Variants in TTN observed in about 807,000 individuals in gnomAD.
TTN encodes the protein titin.
In TTN, 1,525 loss-of-function variants were observed where a neutral mutation model predicts 3,223.0. That is an observed-to-expected ratio of 0.47 (90% CI 0.45 to 0.49). The LOEUF (loss-of-function observed/expected upper bound fraction) is 0.49, where lower values mean the gene tolerates loss of function less well. TTN is among the 20% of genes least tolerant of loss of function. TTN has a pLI of 0.00. For synonymous variants in TTN, 14,094 were observed against 15,161.0 expected (o/e 0.93, Z 5.17); for missense variants, 40,786 against 43,424.0 (o/e 0.94, Z 5.40).
intron 333 of TTN, 51 bp downstream of exon 333, chr2:178,553,863 C>T: frequency 6.4e-7 from 1 of 1,561,090 alleles, no homozygotes; most frequent in Non-Finnish European, 8.7e-7. Context: ...TTTAGTCACA[C>T]AGGTGAATAT....
Position 178,734,327 on chromosome 2 carries a change from C to A in TTN, c.15496+1G>T, listed in dbSNP as rs397517481. 6.3e-7 allele frequency: 1 copy of A among 1,586,134 alleles called. No homozygotes were observed. Among genetic ancestry groups the A allele is most frequent in the Non-Finnish European group, 8.6e-7 (1 of 1,165,228 alleles). Reference sequence around the variant, plus strand: ...GAGACATTAGTTTTTCAAGCACTAACCTTTGAGTAAGTGGGTTGCCATGCA... The same window carrying A: ...GAGACATTAGTTTTTCAAGCACTAAACTTTGAGTAAGTGGGTTGCCATGCA... On this transcript the variant is annotated splice_donor_variant, in intron 52 of 362. Transcript: ENST00000589042. LOFTEE classifies it high-confidence loss of function.
chr2:178,782,919 C>T lies in TTN; in HGVS notation c.2987G>A (p.Gly996Glu). ...TTCGCGAATCATAAGACGAGCAATT[C>T]CACTCTGGAAGGTTATCTGGAAGTC... Reference protein sequence around the residue: ...SIDFQITFQSGIARLMIREAF... With the variant: ...SIDFQITFQSEIARLMIREAF... The change falls in exon 18 of 363, where the codon GGA becomes GAA. Residue 996 changes from glycine (G) to glutamate (E), a missense_variant. Coordinates refer to ENST00000589042, the MANE Select transcript of TTN (RefSeq NM_001267550.2). 4 of 1,614,086 alleles carry T rather than the reference C, an allele frequency of 2.5e-6. No individual in the cohort carries two copies. Among genetic ancestry groups the T allele is most frequent in the Non-Finnish European group, 3.4e-6 (4 of 1,180,004 alleles).
chr2:178,745,873 C>A (rs1394391388), intron 47 of TTN: 1 of 1,612,498 alleles, frequency 6.2e-7, no homozygotes, highest in South Asian at 1.1e-5. Flanking sequence ...GCCCTTCCAC[C>A]ACCTGAAATT....
rs1575283255 is a variant in TTN, at chr2:178,534,672, G to C, written c.101943C>G (p.Tyr33981Ter). The change falls in exon 358 of 363, where the codon TAC (tyrosine) becomes TAG (stop). Residue 33981 changes from tyrosine (Y) to a stop codon, truncating the protein, a stop_gained. Coordinates refer to ENST00000589042, the MANE Select transcript of TTN (RefSeq NM_001267550.2). LOFTEE classifies it high-confidence loss of function. ...NFRLLFTAPE[Y>*]YAPEVHQHDV... ...CATGCTGGTGGACTTCAGGTGCATA[G>C]TATTCTGGGGCAGTGAATAGAAGCC... is the stretch of plus-strand genomic sequence containing the variant. 3 of 1,613,800 alleles carry C rather than the reference G, an allele frequency of 1.9e-6. No individual in the cohort carries two copies.
intron 7 of TTN, 44 bp from the exon 8 acceptor site, chr2:178,794,595 G>T: frequency 6.2e-7 from 1 of 1,611,992 alleles, no homozygotes; most frequent in South Asian, 1.1e-5. Context: ...TAAATGACAT[G>T]CCCAGTAGAA....
intron 126 of TTN, 114 bp downstream of exon 126, chr2:178,688,563 A>T (rs910252915): frequency 9.1e-6 from 7 of 766,882 alleles, no homozygotes; most frequent in African/African-American, 6.9e-5. Context: ...TACCAACATA[A>T]GGAGAAATAA....
intron 47 of TTN, chr2:178,751,726 T>G (rs1429223471): frequency 6.2e-7 from 1 of 1,613,286 alleles, no homozygotes. Flanking sequence ...AGTGATGGTG[T>G]AAATCACTCT....
rs1575186516 is a variant in TTN, at chr2:178,528,380, G to A, written c.107271C>T (p.Tyr35757=). The change falls in exon 361 of 363, where the codon TAC becomes TAT. Residue 35757 remains tyrosine (Y), a synonymous_variant. Transcript: ENST00000589042. ...CTGATGCATTTCGGATTTCAAGGGA[G>A]TATACATTTCTGGAGCGGCTTATGC... The part of the protein sequence containing the change: ...NVSISRSRNV[Y]SLEIRNASVS... 1 of 1,613,956 alleles carries A rather than the reference G, an allele frequency of 6.2e-7. No homozygotes were observed. Among genetic ancestry groups the A allele is most frequent in the Non-Finnish European group, 8.5e-7 (1 of 1,179,852 alleles).
At chr2:178,680,425 A>C in intron 138 of TTN, 94 bp from the exon 139 acceptor site, 1 of 1,011,938 alleles carries the variant, frequency 9.9e-7, no homozygotes, top group Non-Finnish European at 1.5e-6. Context: ...AGAATAATGT[A>C]TCTTCCTTTA....
In TTN at chr2:178,730,330, T is replaced by C; in HGVS notation, c.18070A>G (p.Asn6024Asp). ...TTTAACTGTACCCTTGTGTTGGGAT[T>C]GACATCTTGTGACTGTGGCTTTTCC... ...FVEKPQSQDV[N>D]PNTRVQLKAL... The change falls in exon 62 of 363, where the codon AAT becomes GAT. Residue 6024 changes from asparagine to aspartate, a missense_variant. By Grantham distance (23) the Asn-to-Asp change is conservative. Coordinates refer to ENST00000589042, the MANE Select transcript of TTN (RefSeq NM_001267550.2). 6.2e-7 allele frequency: 1 copy of C among 1,608,574 alleles called. No homozygotes were observed. The highest frequency in any genetic ancestry group is 8.5e-7 in the Non-Finnish European group (1 of 1,176,882).
intron 233 of TTN, 65 bp downstream of exon 233, chr2:178,633,122 T>G: frequency 6.3e-7 from 1 of 1,599,458 alleles, no homozygotes; most frequent in Non-Finnish European, 8.5e-7. Flanking sequence ...AGATATTTTA[T>G]GCCTTTTTTC....
intron 100 of TTN, 59 bp from the exon 101 acceptor site, chr2:178,707,013 C>T: frequency 2.1e-6 from 3 of 1,440,758 alleles, no homozygotes; most frequent in Admixed American, 2.2e-5. Flanking sequence ...AATACATATC[C>T]CCCTTTGTAA....
intron 239 of TTN, among the ~76,000 whole-genome samples, 165 bp from the exon 240 acceptor site, chr2:178,629,608 G>A (rs1288838876): frequency 6.6e-6 from 1 of 152,158 alleles, no homozygotes; most frequent in South Asian, 2.1e-4. Context: ...CTGAGAAGGG[G>A]AGAGCTGGTA....
intron 146 of TTN, 74 bp from the exon 147 acceptor site, chr2:178,677,361 T>TATATATATATATATATATATATA (rs1560296885): frequency 1.4e-5 from 7 of 515,020 alleles, no homozygotes; most frequent in African/African-American, 6.9e-5. Flanking sequence ...TATATATATA[T>TATATATATATATATATATATATA]GAAAGAGACA....
chr2:178,575,742 C>G lies in TTN; in HGVS notation c.70390G>C (p.Gly23464Arg). The G allele has an allele frequency of 6.2e-7, 1 of 1,613,524 alleles. No homozygotes were observed. Among genetic ancestry groups the G allele is most frequent in the Non-Finnish European group, 8.5e-7 (1 of 1,179,640 alleles). Reference protein sequence around the residue: ...LHWDLPLIDGGSRITNYIVEK... With the variant: ...LHWDLPLIDGRSRITNYIVEK... ...ACAATGTAGTTTGTTATACGTGAGCCTCCATCTATCAGAGGGAGGTCCCAG... is the reference window on the plus strand; with the variant it reads ...ACAATGTAGTTTGTTATACGTGAGCGTCCATCTATCAGAGGGAGGTCCCAG... The change falls in exon 326 of 363, where the codon GGC (glycine) becomes CGC (arginine). Residue 23464 changes from glycine to arginine, a missense_variant. Gly to Arg is a moderately radical substitution (Grantham distance 125, BLOSUM62 -2). Coordinates refer to ENST00000589042, the MANE Select transcript of TTN (RefSeq NM_001267550.2). The surrounding 1 kb of genome is among the most constrained non-coding windows in gnomAD (Gnocchi z 4.0).
rs771518908 is a variant in TTN at position 178,734,642 on chromosome 2, T to C, written c.15218-36A>G. The C allele has an allele frequency of 3.1e-5, 48 of 1,564,898 alleles. No homozygotes were observed. In the South Asian group the frequency reaches 3.6e-4, roughly 12 times the overall value. On this transcript the variant is annotated intron_variant, in intron 51 of 362. Transcript: ENST00000589042. ...ATGAAAGCATTGTGTAAGTAATGGG[T>C]AATAAGTAATTAAAAGGGAAATCTT...
intron 20 of TTN, 124 bp from the exon 21 acceptor site, chr2:178,781,387 G>T: frequency 9.3e-7 from 1 of 1,075,894 alleles, no homozygotes; most frequent in Non-Finnish European, 1.4e-6. Flanking sequence ...ATATGACTAA[G>T]CTCCACAATA....
At position 178,592,854 on chromosome 2, in the gene TTN, A is replaced by C; in HGVS notation, c.59265T>G (p.Phe19755Leu). The C allele has an allele frequency of 6.2e-7, 1 of 1,613,506 alleles. No homozygotes were observed. The highest frequency in any genetic ancestry group is 8.5e-7 in the Non-Finnish European group (1 of 1,179,614). ...CAGCTGCATTGACTGCTAACACTCT[A>C]AACTTATAGGTTTGACCGTCCCGAA... ...TGLRDGQTYK[F>L]RVLAVNAAGE... is the part of the protein sequence containing the mutation. The change falls in exon 300 of 363, where the codon TTT becomes TTG. Residue 19755 changes from phenylalanine to leucine, a missense_variant. Physicochemically the swap from Phe to Leu is conservative, Grantham distance 22. Transcript: ENST00000589042.
intron 117 of TTN, 113 bp downstream of exon 117, chr2:178,694,486 G>A: frequency 1.6e-6 from 1 of 619,106 alleles, no homozygotes; most frequent in Non-Finnish European, 2.7e-6. Context: ...ATGTAAAAAT[G>A]TGCTGTTTTT....
Sources: allele counts gnomAD v4.1 joint callset (sites outside exome capture counted in the v4.1 genomes callset), GRCh38; gene constraint gnomAD v4.1.1; non-coding constraint Gnocchi (gnomAD v3.1); transcripts MANE v1.5; gene names NCBI Gene and HGNC (gene_info 2026-07-23, HGNC 2026-07-21).